ATL2: variants seen among roughly 807,000 people sequenced by gnomAD.
ATL2 encodes atlastin-2.
Under a neutral mutation model 73.9 loss-of-function variants are expected in ATL2, and 31 were observed. The observed-to-expected ratio is 0.42, with a 90% CI of 0.32 to 0.57. The LOEUF (loss-of-function observed/expected upper bound fraction) is 0.57. Ranked by LOEUF, ATL2 falls within the 20% of genes least tolerant of loss-of-function variation. The pLI is 0.14. For synonymous variants in ATL2, 291 were observed against 237.5 expected, an observed-to-expected ratio of 1.23 and a Z score of -2.07; for missense variants, 738 against 702.6, an observed-to-expected ratio of 1.05 and a Z score of -0.57.
chr2:38,372,660 G>A (rs1035172462), intron 1 of ATL2, among the ~76,000 whole-genome samples: 12 of 152,186 alleles, frequency 7.9e-5, no homozygotes, highest in Non-Finnish European at 5.9e-5. Flanking sequence ...TAGCTAAGAA[G>A]CATGAATGAT....
rs984426120 is a variant in ATL2, at chr2:38,298,501, C to T, written c.1275G>A (p.Ala425=). The T allele has an allele frequency of 3.1e-6, 5 of 1,614,022 alleles. No individual in the cohort carries two copies. Among genetic ancestry groups the T allele is most frequent in the African/African-American group, 2.7e-5 (2 of 74,912 alleles). The change falls in exon 12 of 13, where the codon GCG becomes GCA. Residue 425 remains alanine (A), a synonymous_variant. Transcript: ENST00000378954. ...TTTTTACTGAACGAAATTGTTTTAT[C>T]GCCACTTCCTTGAGATCCAAGTGTT... ...ERKHLDLKEV[A]IKQFRSVKKM...
intron 2 of ATL2, among the ~76,000 whole-genome samples, chr2:38,334,726 G>T (rs889428764): frequency 6.7e-6 from 1 of 150,320 alleles, no homozygotes; most frequent in East Asian, 2.0e-4. Context: ...AAAAAATCTG[G>T]TCAAAGTTTG....
At chr2:38,297,561 C>T (rs759369651) in intron 12 of ATL2, among the ~76,000 whole-genome samples, 5 of 152,146 alleles carry the variant, frequency 3.3e-5, no homozygotes, top group Non-Finnish European at 5.9e-5. Flanking sequence ...AAGATTACGA[C>T]GGAGCATGGT....
chr2:38,327,604 A>C (rs1008536949), intron 2 of ATL2, among the ~76,000 whole-genome samples: 1 of 151,956 alleles, frequency 6.6e-6, no homozygotes, highest in African/African-American at 2.4e-5. Flanking sequence ...CAATTATATC[A>C]ACAATCACTT....
At chr2:38,350,368 C>CCTAATAT (rs1670267465) in intron 1 of ATL2, among the ~76,000 whole-genome samples, 1 of 152,158 alleles carries the variant, frequency 6.6e-6, no homozygotes, top group Admixed American at 6.5e-5. Context: ...AAGGTACCTA[C>CCTAATAT]CTAATATCTA....
At chr2:38,318,697 A>T (rs894562352) in intron 3 of ATL2, 58 bp from the exon 4 acceptor site, 1 of 1,433,662 alleles carries the variant, frequency 7.0e-7, no homozygotes, top group African/African-American at 1.4e-5. Context: ...TGACTATAAA[A>T]AAAATCAAAT....
At chr2:38,311,950 T>C (rs1667778525) in intron 7 of ATL2, among the ~76,000 whole-genome samples, 2 of 152,202 alleles carry the variant, frequency 1.3e-5, no homozygotes, top group Admixed American at 1.3e-4. Context: ...TTTCCAAAAG[T>C]GGGGTCTGGA....
chr2:38,364,999 A>C (rs562703233), intron 1 of ATL2, among the ~76,000 whole-genome samples: 158 of 151,692 alleles, frequency 1.0e-3, no homozygotes, highest in African/African-American at 3.7e-3. Flanking sequence ...AGCTGAGATC[A>C]CGCCACTGCA....
rs1276764340 is a variant in ATL2, at chr2:38,298,345, T to C, written c.1431A>G (p.Thr477=). The change falls in exon 12 of 13, where the codon ACA becomes ACG. Residue 477 remains threonine, a synonymous_variant. Coordinates refer to ENST00000378954, the MANE Select transcript of ATL2 (RefSeq NM_001135673.4). ...ACATAGCAAACATGACCGCAAACAG[T>C]GTGGCTGGGGTACGAGCAGCATAGA... ...NIFYAARTPA[T]LFAVMFAMYI... is the part of the protein sequence containing the mutation. The C allele has an allele frequency of 3.1e-6, 5 of 1,614,192 alleles. No individual in the cohort carries two copies. The highest frequency in any genetic ancestry group is 1.6e-4 in the Middle Eastern group (1 of 6,062).
At chr2:38,303,004 G>A (rs979142858) in intron 9 of ATL2, among the ~76,000 whole-genome samples, 2 of 152,146 alleles carry the variant, frequency 1.3e-5, no homozygotes, top group African/African-American at 4.8e-5. Flanking sequence ...CAATCCTGGA[G>A]AGACAGAGAT....
At chr2:38,301,442 T>G (rs1361560374) in intron 9 of ATL2, among the ~76,000 whole-genome samples, 1 of 152,218 alleles carries the variant, frequency 6.6e-6, no homozygotes, top group Non-Finnish European at 1.5e-5. Context: ...TCACAGTACC[T>G]GGTTTTAACT....
At chr2:38,349,029 G>A (rs1182059639) in intron 1 of ATL2, among the ~76,000 whole-genome samples, 3 of 151,144 alleles carry the variant, frequency 2.0e-5, no homozygotes, top group African/African-American at 7.3e-5. Flanking sequence ...AACAACAGGT[G>A]CTGGAGAGGA....
intron 1 of ATL2, among the ~76,000 whole-genome samples, chr2:38,365,924 G>A (rs987449583): frequency 2.0e-5 from 3 of 151,836 alleles, no homozygotes; most frequent in Admixed American, 1.3e-4. Flanking sequence ...TCCAGCCTGG[G>A]CGACAAGAGC....
chr2:38,350,709 G>A (rs938990133), intron 1 of ATL2, among the ~76,000 whole-genome samples: 6 of 151,964 alleles, frequency 3.9e-5, no homozygotes, highest in African/African-American at 1.5e-4. Flanking sequence ...GGAGTGGCAG[G>A]GAGTACGTGA....
At chr2:38,370,632 T>C (rs898644393) in intron 1 of ATL2, among the ~76,000 whole-genome samples, 3 of 151,932 alleles carry the variant, frequency 2.0e-5, no homozygotes, top group African/African-American at 7.3e-5. Flanking sequence ...TTAGGCGTGG[T>C]AGCGGGTGCC....
intron 1 of ATL2, among the ~76,000 whole-genome samples, chr2:38,344,373 G>A (rs546684820): frequency 1.3e-5 from 2 of 152,318 alleles, no homozygotes; most frequent in East Asian, 3.9e-4. Context: ...ACTTTGGGAG[G>A]CCGAGGCAGG....
intron 9 of ATL2, among the ~76,000 whole-genome samples, chr2:38,301,391 T>TA (rs1467298411): frequency 1.3e-5 from 2 of 152,132 alleles, no homozygotes; most frequent in Non-Finnish European, 2.9e-5. Flanking sequence ...ACTATCTACA[T>TA]AAAAAACCAC....
chr2:38,318,064 G>A (rs1668119030), intron 4 of ATL2, among the ~76,000 whole-genome samples: 1 of 152,182 alleles, frequency 6.6e-6, no homozygotes, highest in African/African-American at 2.4e-5. Flanking sequence ...GGCTGAGGCA[G>A]GAGGATCACT....
chr2:38,352,133 C>CAAAAAAAAAA (rs778821586), intron 1 of ATL2, among the ~76,000 whole-genome samples: 2 of 31,996 alleles, frequency 6.3e-5, no homozygotes, highest in African/African-American at 1.5e-4. Context: ...AAACAACAAC[C>CAAAAAAAAAA]AAAAAAAAAA....
Sources: allele counts gnomAD v4.1 joint callset (sites outside exome capture counted in the v4.1 genomes callset), GRCh38; gene constraint gnomAD v4.1.1; transcripts MANE v1.5; gene names NCBI Gene and HGNC (gene_info 2026-07-23, HGNC 2026-07-21).